The following MAGEC3 variants were observed in gnomAD, a reference collection of about 807,000 sequenced individuals.
The protein encoded by MAGEC3 is MAGE family member C3.
In MAGEC3, 34 loss-of-function variants were observed where a neutral mutation model predicts 35.3. The ratio of observed to expected loss-of-function variants is 0.96; its 90% CI spans 0.73 to 1.28. The LOEUF is 1.28. Ranked by LOEUF, MAGEC3 falls within the 50% of genes most tolerant of loss-of-function variation. The probability of loss-of-function intolerance (pLI) is 0.00; values close to 1 mark genes in which losing one functional copy is unlikely to be tolerated. For missense variants in MAGEC3, 561 were observed against 483.6 expected (o/e 1.16, Z -1.50); for synonymous variants, 202 against 185.6 (o/e 1.09, Z -0.72).
Position 141,895,503 on chromosome X carries a change from A to G in MAGEC3, c.1067A>G (p.Gln356Arg), listed in dbSNP as rs775562623. The change falls in exon 6 of 8, where the codon CAG (glutamine) becomes CGG (arginine). Residue 356 changes from glutamine (Q) to arginine (R), a missense_variant. Gln to Arg is a conservative substitution (Grantham distance 43). Coordinates refer to ENST00000298296, the MANE Select transcript of MAGEC3 (RefSeq NM_138702.1). The stretch of plus-strand genomic sequence containing the variant: ...GCCATAGGACTTGCAGGCCACAGAC[A>G]GGAAGATGGCCGCCGAGGGCTGACC... ...ANPQGLAGHRQEDGRRGLTEA... is the reference protein window; with the variant it reads ...ANPQGLAGHRREDGRRGLTEA... 9.9e-6 allele frequency: 12 copies of G among 1,210,859 alleles called. No individual in the cohort carries two copies. The highest frequency in any genetic ancestry group is 7.0e-5 in the South Asian group (4 of 56,951).
intron 1 of MAGEC3, among the ~76,000 whole-genome samples, chrX:141,856,199 C>T (rs1020694167): frequency 1.1e-4 from 12 of 111,389 alleles, no homozygotes; most frequent in Admixed American, 1.9e-4. Context: ...ATATGCACAC[C>T]GTGATGCTAG....
chrX:141,838,432 G>T lies in MAGEC3; in HGVS notation c.117G>T (p.Gln39His). 1 of 1,207,948 alleles carries T rather than the reference G, an allele frequency of 8.3e-7. No individual in the cohort carries two copies. Among genetic ancestry groups the T allele is most frequent in the Non-Finnish European group, 1.1e-6 (1 of 892,961 alleles). Residue 39 changes from glutamine to histidine, a missense_variant, in exon 1 of 8, where the codon CAG (glutamine) becomes CAT (histidine). Gln to His is a conservative substitution (Grantham distance 24). Transcript: ENST00000298296. The part of the protein sequence containing the change: ...YALSPVVLPP[Q>H]PQPRKKATDK... ...TATCCCCAGTGGTGCTCCCACCTCA[G>T]CCCCAGGTGTGGTAGCCCATGAATG... is the stretch of plus-strand genomic sequence containing the variant.
chrX:141,895,440 G>C (rs1304597513), intron 5 of MAGEC3, 33 bp downstream of exon 5: 5 of 1,208,209 alleles, frequency 4.1e-6, no homozygotes, highest in Non-Finnish European at 2.2e-6. Context: ...GAGGGACTTC[G>C]CACCAAGGAC....
intron 1 of MAGEC3, among the ~76,000 whole-genome samples, chrX:141,853,270 T>C (rs953402128): frequency 9.0e-6 from 1 of 111,284 alleles, no homozygotes; most frequent in Non-Finnish European, 1.9e-5. Flanking sequence ...CCAAGATGCA[T>C]GTCAGTTTTT....
At chrX:141,860,972 A>G (rs2017811932) in intron 1 of MAGEC3, among the ~76,000 whole-genome samples, 1 of 111,833 alleles carries the variant, frequency 8.9e-6, no homozygotes, top group Non-Finnish European at 1.9e-5. Context: ...GTTGGAGACC[A>G]TTTGTAATAG....
chrX:141,840,031 T>C (rs1352397126), intron 1 of MAGEC3: 9 of 749,438 alleles, frequency 1.2e-5, no homozygotes, highest in Non-Finnish European at 1.4e-5. Flanking sequence ...AAAAATTTGC[T>C]GCATTTTTTC....
chrX:141,851,573 A>T (rs1298461343), intron 1 of MAGEC3, among the ~76,000 whole-genome samples: 1 of 110,689 alleles, frequency 9.0e-6, no homozygotes, highest in Non-Finnish European at 1.9e-5. Context: ...AGATTGTTCA[A>T]CTGTCACCAC....
At chrX:141,876,623 AT>A (rs2025918170) in intron 2 of MAGEC3, among the ~76,000 whole-genome samples, 1 of 112,248 alleles carries the variant, frequency 8.9e-6, no homozygotes, top group Non-Finnish European at 1.9e-5. Flanking sequence ...AAGACTTATT[AT>A]TCTAAGAATG....
intron 2 of MAGEC3, among the ~76,000 whole-genome samples, chrX:141,871,356 A>AT (rs76492923): frequency 1.9e-4 from 21 of 110,411 alleles, no homozygotes; most frequent in East Asian, 1.7e-3. Flanking sequence ...GAAAACAGAG[A>AT]TTTTTTTTCC....
At chrX:141,874,730 A>G (rs770116372) in intron 2 of MAGEC3, among the ~76,000 whole-genome samples, 1 of 110,442 alleles carries the variant, frequency 9.1e-6, no homozygotes, top group Non-Finnish European at 1.9e-5. Flanking sequence ...AGGTACCCTC[A>G]GTCATTGCTG....
chrX:141,853,036 T>G (rs2017760361), intron 1 of MAGEC3, among the ~76,000 whole-genome samples: 1 of 111,654 alleles, frequency 9.0e-6, no homozygotes, highest in African/African-American at 3.3e-5. Context: ...TCACTGGACC[T>G]GGGCTTTTCC....
intron 1 of MAGEC3, among the ~76,000 whole-genome samples, chrX:141,857,352 A>G (rs1295671468): frequency 9.0e-6 from 1 of 111,055 alleles, no homozygotes; most frequent in East Asian, 2.9e-4. Flanking sequence ...TTACCTTTAG[A>G]ATTCTTTCCC....
intron 4 of MAGEC3, 149 bp from the exon 5 acceptor site, chrX:141,895,120 G>A (rs1245477727): frequency 8.5e-6 from 5 of 586,904 alleles, no homozygotes; most frequent in African/African-American, 7.8e-5. Context: ...GGGTAGGGAG[G>A]TGGGCACAAA....
At chrX:141,868,946 A>G (rs906512567) in intron 2 of MAGEC3, among the ~76,000 whole-genome samples, 4 of 109,137 alleles carry the variant, frequency 3.7e-5, no homozygotes, top group Non-Finnish European at 7.6e-5. Flanking sequence ...CAGTGGTGCT[A>G]TCTCGGCTCA....
chrX:141,867,811 T>G (rs2017859129), intron 2 of MAGEC3, among the ~76,000 whole-genome samples: 1 of 112,273 alleles, frequency 8.9e-6, no homozygotes, highest in Non-Finnish European at 1.9e-5. Context: ...TTAAAAATGT[T>G]TTAATATTTG....
Position 141,895,553 on chromosome X carries a change from G to A in MAGEC3, c.1117G>A (p.Gly373Arg). 1 of 1,203,273 alleles carries A rather than the reference G, an allele frequency of 8.3e-7. No homozygotes were observed. The highest frequency in any genetic ancestry group is 1.7e-5 in the African/African-American group (1 of 57,316). ...CGAGGCGTCCCCACAACAGAAGAAGGGAGGAGGTGCCAGCCCTCTAGGGAA... is the reference window on the plus strand; with the variant it reads ...CGAGGCGTCCCCACAACAGAAGAAGAGAGGAGGTGCCAGCCCTCTAGGGAA... ...LTEASPQQKKGGEDEDMPAAG... is the reference protein window; with the variant it reads ...LTEASPQQKKRGEDEDMPAAG... The change falls in exon 6 of 8, where the codon GGA (glycine) becomes AGA (arginine). Residue 373 changes from glycine to arginine, a missense_variant. Coordinates refer to ENST00000298296, the MANE Select transcript of MAGEC3 (RefSeq NM_138702.1).
rs752114644 is a variant in MAGEC3, at chrX:141,881,543, C to T, written c.656C>T (p.Thr219Met). The T allele has an allele frequency of 5.5e-5, 67 of 1,209,830 alleles. No homozygotes were observed. The highest frequency in any genetic ancestry group is 6.6e-5 in the Non-Finnish European group (59 of 895,157). Reference sequence around the variant, plus strand: ...CAGATGAATGTCATCAACACATACACGGGCTACTTTCCTATGATCTTCAGG... The same window carrying T: ...CAGATGAATGTCATCAACACATACATGGGCTACTTTCCTATGATCTTCAGG... ...EMQMNVINTY[T>M]GYFPMIFRKA... Residue 219 changes from threonine (T) to methionine (M), a missense_variant, in exon 4 of 8, where the codon ACG (threonine) becomes ATG (methionine). Coordinates refer to ENST00000298296, the MANE Select transcript of MAGEC3 (RefSeq NM_138702.1).
At chrX:141,865,149 T>TA (rs200638645) in intron 1 of MAGEC3, among the ~76,000 whole-genome samples, 2,324 of 111,299 alleles carry the variant, frequency 0.021, 16 homozygotes, top group Middle Eastern at 0.033. Flanking sequence ...AATTTATAAA[T>TA]TTTTTTTCAA....
intron 4 of MAGEC3, among the ~76,000 whole-genome samples, chrX:141,891,686 AATAT>A (rs754163261): frequency 1.1e-3 from 110 of 103,900 alleles, no homozygotes; most frequent in African/African-American, 3.8e-3. Context: ...TGCATATATA[AATAT>A]ATATATTTAT....
Sources: allele counts gnomAD v4.1 joint callset (sites outside exome capture counted in the v4.1 genomes callset), GRCh38; gene constraint gnomAD v4.1.1; transcripts MANE v1.5; gene names NCBI Gene and HGNC (gene_info 2026-07-23, HGNC 2026-07-21).